The following CWF19L2 variants were observed in gnomAD, a reference collection of about 807,000 sequenced individuals.
The protein encoded by CWF19L2 is CWF19 like cell cycle control factor 2.
In CWF19L2, 98 loss-of-function variants were observed where a neutral mutation model predicts 111.7. The ratio of observed to expected loss-of-function variants is 0.88; its 90% CI spans 0.75 to 1.04. CWF19L2 has a LOEUF of 1.04. Among genes scored for constraint, CWF19L2 ranks in the 50% least tolerant of loss-of-function variants. CWF19L2 has a pLI of 0.00. For missense variants in CWF19L2, 1,101 were observed against 1,051.4 expected, an observed-to-expected ratio of 1.05 and a Z score of -0.65; for synonymous variants, 351 against 342.9, an observed-to-expected ratio of 1.02 and a Z score of -0.26.
intron 12 of CWF19L2, among the ~76,000 whole-genome samples, chr11:107,370,909 C>T (rs1860498305): frequency 7.3e-6 from 1 of 137,108 alleles, no homozygotes; most frequent in South Asian, 2.4e-4. Context: ...ACATAAGTAC[C>T]TTTTATCATT....
chr11:107,391,082 C>T (rs1860839970), intron 11 of CWF19L2, among the ~76,000 whole-genome samples: 1 of 152,202 alleles, frequency 6.6e-6, no homozygotes, highest in East Asian at 1.9e-4. Flanking sequence ...GGCCTTCAGC[C>T]ACAGACCGAA....
intron 13 of CWF19L2, among the ~76,000 whole-genome samples, chr11:107,353,040 A>G (rs1860180003): frequency 6.6e-6 from 1 of 152,106 alleles, no homozygotes; most frequent in African/African-American, 2.4e-5. Context: ...CATCTTTACT[A>G]AAGTTCCTCA....
rs1458330721 is a variant in CWF19L2, at chr11:107,329,268, G to T, written c.2541+650C>A. Among the ~76,000 whole-genome samples the T allele has an allele frequency of 2.0e-5, 3 of 152,136 alleles. 1 individual carries two copies. Among genetic ancestry groups the T allele is most frequent in the Middle Eastern group, 6.3e-3 (2 of 316 alleles). On this transcript the variant is annotated intron_variant, in intron 17 of 17. Coordinates refer to ENST00000282251, the MANE Select transcript of CWF19L2 (RefSeq NM_152434.3). The stretch of plus-strand genomic sequence containing the variant: ...ACTATTCTGTAGACTTTAATTTAAA[G>T]ATTATACCCCACAGAATATAAGAAG...
At chr11:107,354,390 G>A (rs1195018159) in intron 12 of CWF19L2, among the ~76,000 whole-genome samples, 1 of 152,010 alleles carries the variant, frequency 6.6e-6, no homozygotes, top group African/African-American at 2.4e-5. Flanking sequence ...GTATAACCTT[G>A]AACATATTAT....
At chr11:107,455,252 T>A (rs1314110543) in intron 2 of CWF19L2, among the ~76,000 whole-genome samples, 3 of 152,140 alleles carry the variant, frequency 2.0e-5, no homozygotes, top group Admixed American at 1.3e-4. Flanking sequence ...TATACATAGA[T>A]CAAACCATCA....
chr11:107,338,923 G>T (rs1393970951), intron 14 of CWF19L2, among the ~76,000 whole-genome samples: 1 of 152,056 alleles, frequency 6.6e-6, no homozygotes, highest in Non-Finnish European at 1.5e-5. Flanking sequence ...TATTCCTTTG[G>T]GTATATACCC....
At chr11:107,400,461 C>A (rs1274804440) in intron 10 of CWF19L2, among the ~76,000 whole-genome samples, 1 of 152,010 alleles carries the variant, frequency 6.6e-6, no homozygotes, top group Non-Finnish European at 1.5e-5. Flanking sequence ...ACTAGAAAAC[C>A]TAGAAGAGAT....
intron 10 of CWF19L2, among the ~76,000 whole-genome samples, chr11:107,397,817 A>G (rs192612232): frequency 2.8e-4 from 42 of 151,670 alleles, no homozygotes; most frequent in Admixed American, 5.9e-4. Flanking sequence ...CATAGCTGAG[A>G]GACCCATAGA....
intron 3 of CWF19L2, among the ~76,000 whole-genome samples, chr11:107,448,616 A>G (rs1861734915): frequency 6.6e-6 from 1 of 152,144 alleles, no homozygotes; most frequent in Non-Finnish European, 1.5e-5. Flanking sequence ...CAGATGCTAC[A>G]CTCTGAATGT....
intron 10 of CWF19L2, chr11:107,403,848 T>C (rs1042302178): frequency 1.2e-5 from 10 of 805,264 alleles, no homozygotes; most frequent in Non-Finnish European, 2.2e-5. Context: ...AGTGAATCTG[T>C]GCTTTCTAGG....
rs141318063 is a variant in CWF19L2, at chr11:107,382,041, C to T, written c.1872+8033G>A. ...ACAAAAAGGATAAAATTACTGCCCA[C>T]AGTCTCAACAAAATTAATGAGGAAA... On this transcript the variant is annotated intron_variant, in intron 12 of 17. Coordinates refer to ENST00000282251, the MANE Select transcript of CWF19L2 (RefSeq NM_152434.3). 4.3e-3 allele frequency among the ~76,000 whole-genome samples: 657 copies of T among 152,174 alleles called. 4 individuals are homozygous for T. Among genetic ancestry groups the T allele is most frequent in the African/African-American group, 0.015 (613 of 41,490 alleles).
At chr11:107,433,007 T>C (rs1238665075) in intron 7 of CWF19L2, among the ~76,000 whole-genome samples, 1 of 152,184 alleles carries the variant, frequency 6.6e-6, no homozygotes, top group Non-Finnish European at 1.5e-5. Flanking sequence ...CATCCAACTA[T>C]GTGTACATTA....
intron 12 of CWF19L2, among the ~76,000 whole-genome samples, chr11:107,362,519 G>A (rs1005869568): frequency 1.1e-4 from 16 of 152,184 alleles, no homozygotes; most frequent in Admixed American, 9.8e-4. Flanking sequence ...CCTGACCCCT[G>A]ACCCCCGAGC....
In CWF19L2 at chr11:107,441,597, A is replaced by C; in HGVS notation, c.476T>G (p.Phe159Cys). The C allele has an allele frequency of 1.3e-6, 2 of 1,541,434 alleles. No homozygotes were observed. Among genetic ancestry groups the C allele is most frequent in the Non-Finnish European group, 1.7e-6 (2 of 1,143,808 alleles). The change falls in exon 5 of 18, where the codon TTT becomes TGT. Residue 159 changes from phenylalanine (F) to cysteine (C), a missense_variant. Transcript: ENST00000282251. ...TGATGACACAGTTTTAACAGACATA[A>C]AATCAACAGTCATCCACTCATCCCT... ...IKRDEWMTVD[F>C]MSVKTVSSSS...
chr11:107,330,223 T>G (rs555279015), intron 16 of CWF19L2, among the ~76,000 whole-genome samples: 7 of 152,332 alleles, frequency 4.6e-5, no homozygotes, highest in African/African-American at 1.7e-4. Context: ...TTCAGCCAGA[T>G]AGTTCATCAT....
At chr11:107,344,004 C>T (rs541379274) in intron 14 of CWF19L2, among the ~76,000 whole-genome samples, 3 of 152,134 alleles carry the variant, frequency 2.0e-5, no homozygotes, top group Non-Finnish European at 4.4e-5. Context: ...CACCTGAGGC[C>T]AGGAGTTCAA....
At chr11:107,355,750 T>C (rs1860228574) in intron 12 of CWF19L2, among the ~76,000 whole-genome samples, 1 of 152,182 alleles carries the variant, frequency 6.6e-6, no homozygotes, top group Admixed American at 6.5e-5. Flanking sequence ...AAAAACTTGA[T>C]AGAACTGCCA....
At chr11:107,432,765 A>G (rs626091) in intron 7 of CWF19L2, among the ~76,000 whole-genome samples, 27,200 of 152,222 alleles carry the variant, frequency 0.18, 2,610 homozygotes, top group Middle Eastern at 0.27. Context: ...AAATCTGGCA[A>G]TATGTACCTT....
chr11:107,344,720 T>A (rs955643965), intron 14 of CWF19L2, among the ~76,000 whole-genome samples: 1 of 152,212 alleles, frequency 6.6e-6, no homozygotes, highest in African/African-American at 2.4e-5. Flanking sequence ...TTGGTGTCTA[T>A]TGATTACCTT....
Sources: gnomAD v4.1 joint callset for allele counts (sites outside exome capture counted in the v4.1 genomes callset) on GRCh38, gnomAD v4.1.1 for gene constraint, MANE v1.5 for transcripts, NCBI Gene and HGNC (gene_info 2026-07-23, HGNC 2026-07-21) for gene names.